GABPB1: variants seen among roughly 807,000 people sequenced by gnomAD.
The protein encoded by GABPB1 is GA-binding protein subunit beta-1.
A neutral mutation model predicts 45.9 loss-of-function variants in GABPB1; 15 were observed. The observed-to-expected ratio is 0.33, with a 90% CI of 0.22 to 0.50. The LOEUF is 0.50. Ranked by LOEUF, GABPB1 falls within the 20% of genes least tolerant of loss-of-function variation. GABPB1 has a pLI of 0.98. For missense variants in GABPB1, 252 were observed against 457.5 expected, an observed-to-expected ratio of 0.55 and a Z score of 4.10; for synonymous variants, 143 against 154.4, an observed-to-expected ratio of 0.93 and a Z score of 0.55.
At chr15:50,283,352 CA>C (rs200357191) in intron 8 of GABPB1, among the ~76,000 whole-genome samples, 61 of 142,532 alleles carry the variant, frequency 4.3e-4, no homozygotes, top group Admixed American at 9.8e-4. Context: ...CCTTTCCCTC[CA>C]AAAAAAAAAA....
At chr15:50,347,727 G>C (rs1211039908) in intron 1 of GABPB1, among the ~76,000 whole-genome samples, 1 of 152,062 alleles carries the variant, frequency 6.6e-6, no homozygotes, top group Non-Finnish European at 1.5e-5. Context: ...TTAAAGACAG[G>C]TATCACAGTG....
At chr15:50,352,059 A>G (rs2048852772) in intron 1 of GABPB1, 1 of 152,100 alleles carries the variant, frequency 6.6e-6, no homozygotes, top group Admixed American at 6.6e-5. Flanking sequence ...GTCAGAAGAG[A>G]TGGAGGCCAT....
At chr15:50,354,386 C>G (rs1054833941) in intron 1 of GABPB1, 11 of 452,494 alleles carry the variant, frequency 2.4e-5, no homozygotes, top group African/African-American at 2.0e-4. Context: ...TCCATTAACC[C>G]TGTCTGGTCC....
intron 1 of GABPB1, among the ~76,000 whole-genome samples, chr15:50,320,668 G>A (rs1429950600): frequency 6.6e-6 from 1 of 152,190 alleles, no homozygotes; most frequent in Non-Finnish European, 1.5e-5. Flanking sequence ...ATCCTGACTA[G>A]GGTGGTTATC....
chr15:50,332,421 C>A (rs2047978854), intron 1 of GABPB1, among the ~76,000 whole-genome samples: 1 of 152,084 alleles, frequency 6.6e-6, no homozygotes, highest in Non-Finnish European at 1.5e-5. Flanking sequence ...TATGTAGACC[C>A]TGTTTGGATT....
intron 1 of GABPB1, among the ~76,000 whole-genome samples, chr15:50,322,103 A>G (rs2047593064): frequency 6.6e-6 from 1 of 152,222 alleles, no homozygotes; most frequent in Non-Finnish European, 1.5e-5. Context: ...GGACCTGCCC[A>G]GTTAGCATAG....
At chr15:50,354,297 G>C in intron 1 of GABPB1, 2 of 441,518 alleles carry the variant, frequency 4.5e-6, no homozygotes, top group South Asian at 1.6e-5. Context: ...CAGAACGGCA[G>C]GCTTCTCCCC....
intron 7 of GABPB1, among the ~76,000 whole-genome samples, 187 bp from the exon 8 acceptor site, chr15:50,286,370 TA>T (rs2046155261): frequency 6.6e-6 from 1 of 152,174 alleles, no homozygotes; most frequent in Admixed American, 6.5e-5. Context: ...CTTGCTTTTT[TA>T]CTGAAATCTA....
At chr15:50,318,775 C>T (rs938130689) in intron 1 of GABPB1, among the ~76,000 whole-genome samples, 6 of 151,940 alleles carry the variant, frequency 3.9e-5, no homozygotes, top group East Asian at 1.9e-4. Context: ...GCGTTAATGA[C>T]GGATACAAGA....
intron 1 of GABPB1, among the ~76,000 whole-genome samples, chr15:50,337,113 A>ATGTATATGTGTG (rs2048172358): frequency 1.5e-4 from 1 of 6,596 alleles, no homozygotes; most frequent in Non-Finnish European, 2.3e-4. Context: ...ATATATATAT[A>ATGTATATGTGTG]TATATATATA....
chr15:50,322,863 C>T (rs2047623282), intron 1 of GABPB1, among the ~76,000 whole-genome samples: 1 of 151,440 alleles, frequency 6.6e-6, no homozygotes, highest in Non-Finnish European at 1.5e-5. Flanking sequence ...CTGGTCTCTA[C>T]AAAAAATACA....
At chr15:50,337,276 G>C (rs1230687953) in intron 1 of GABPB1, among the ~76,000 whole-genome samples, 1 of 151,218 alleles carries the variant, frequency 6.6e-6, no homozygotes, top group Admixed American at 6.6e-5. Context: ...AGAACAGCAA[G>C]TTTCAGACCC....
In GABPB1 at chr15:50,296,997, A is replaced by G. The variant is rs1220490755; in HGVS notation, c.697+3792T>C. On this transcript the variant is annotated intron_variant, in intron 6 of 8. Transcript: ENST00000380877. The stretch of plus-strand genomic sequence containing the variant: ...ACAATCTTGGCTCACTGCAACCTCC[A>G]CCTCTGAGGTTCAAGCGATTCTCCT... Among the ~76,000 whole-genome samples the G allele has an allele frequency of 1.2e-4, 16 of 129,294 alleles. No homozygotes were observed. The South Asian group carries it at 2.2e-3, about 17-fold the overall frequency. The allele number at this position is 129,294 out of a possible 152,430, so 84.8% of individuals were successfully genotyped here. A position where few individuals can be genotyped will look rare whatever the true frequency, so the allele number is the denominator to read the frequency against.
intron 1 of GABPB1, among the ~76,000 whole-genome samples, chr15:50,313,846 T>A (rs910298575): frequency 2.0e-5 from 3 of 152,258 alleles, no homozygotes; most frequent in Non-Finnish European, 2.9e-5. Context: ...TTACCTAATT[T>A]AAAAAATTTT....
intron 2 of GABPB1, among the ~76,000 whole-genome samples, chr15:50,304,537 C>G (rs866674707): frequency 6.6e-6 from 1 of 151,966 alleles, no homozygotes; most frequent in Non-Finnish European, 1.5e-5. Context: ...ATGGTGAAAC[C>G]CCATCTCTAC....
chr15:50,331,067 A>G (rs1254188031), intron 1 of GABPB1, among the ~76,000 whole-genome samples: 1 of 152,234 alleles, frequency 6.6e-6, no homozygotes, highest in Non-Finnish European at 1.5e-5. Context: ...CAAAGGAAGC[A>G]TCATGATGCA....
chr15:50,353,732 T>C (rs909952916), intron 1 of GABPB1: 1 of 152,210 alleles, frequency 6.6e-6, no homozygotes, highest in Non-Finnish European at 1.5e-5. Context: ...TGAGATAAAC[T>C]ATCTACAGGA....
intron 1 of GABPB1, among the ~76,000 whole-genome samples, chr15:50,318,441 G>C (rs535213125): frequency 1.3e-5 from 2 of 152,086 alleles, no homozygotes; most frequent in African/African-American, 2.4e-5. Flanking sequence ...TAAAATAAAT[G>C]ATATTTTCAA....
At chr15:50,280,033 T>C (rs1314294706) in intron 8 of GABPB1, among the ~76,000 whole-genome samples, 2 of 152,170 alleles carry the variant, frequency 1.3e-5, no homozygotes, top group African/African-American at 4.8e-5. Flanking sequence ...GTGATTCCAC[T>C]TCCTTCCCCA....
Sources: gnomAD v4.1 joint callset for allele counts (sites outside exome capture counted in the v4.1 genomes callset) on GRCh38, gnomAD v4.1.1 for gene constraint, MANE v1.5 for transcripts, NCBI Gene and HGNC (gene_info 2026-07-23, HGNC 2026-07-21) for gene names.